The following LITAF variants were observed in gnomAD, a reference collection of about 807,000 sequenced individuals.
LITAF encodes the protein lipopolysaccharide-induced tumor necrosis factor-alpha factor.
A neutral mutation model predicts 14.5 loss-of-function variants in LITAF; 9 were observed. That is an observed-to-expected ratio of 0.62 (90% CI 0.37 to 1.08). LITAF has a LOEUF of 1.08. LITAF is among the 50% of genes least tolerant of loss of function. The probability of loss-of-function intolerance (pLI) is 0.01; values close to 1 mark genes in which losing one functional copy is unlikely to be tolerated. For missense variants in LITAF, 206 were observed against 213.4 expected, an observed-to-expected ratio of 0.97 and a Z score of 0.22; for synonymous variants, 98 against 88.2, an observed-to-expected ratio of 1.11 and a Z score of -0.62.
Position 11,634,445 on chromosome 16 carries a change from G to A in LITAF, c.-20-808C>T, listed in dbSNP as rs1190065577. Among the ~76,000 whole-genome samples, 1 of 152,180 alleles carries A rather than the reference G, an allele frequency of 6.6e-6. No individual in the cohort carries two copies. Among genetic ancestry groups the A allele is most frequent in the African/African-American group, 2.4e-5 (1 of 41,436 alleles). ...TGAGAGAAAGCTAAATTCTGCTAAG[G>A]TGTAGACATACATGATTACCAGCCA... is the stretch of plus-strand genomic sequence containing the variant. On this transcript the variant is annotated intron_variant, in intron 2 of 3. Coordinates refer to the LITAF transcript ENST00000574848. This position sits in a 1 kb window ranked among gnomAD's most constrained non-coding sequence, Gnocchi z 4.1.
Position 11,608,070 on chromosome 16 carries a change from G to A in LITAF, c.85+25463C>T, listed in dbSNP as rs373998885. Among the ~76,000 whole-genome samples, 10 of 152,300 alleles carry A rather than the reference G, an allele frequency of 6.6e-5. No homozygotes were observed. The South Asian group carries it at 2.1e-3, about 32-fold the overall frequency. The stretch of plus-strand genomic sequence containing the variant: ...TGGCTGAAGAAATAAACTAATGCCT[G>A]CCCCAGTACATCATCCCTTTCCAGG... On this transcript the variant is annotated intron_variant, in intron 3 of 3. Transcript: ENST00000574848.
chr16:11,622,183 C>T (rs903279361), intron 3 of LITAF, among the ~76,000 whole-genome samples: 4 of 152,166 alleles, frequency 2.6e-5, no homozygotes, highest in Non-Finnish European at 4.4e-5. Context: ...GAGGAGGTGC[C>T]ACCATAAGCC....
At chr16:11,583,877 G>C (rs1385603428) in intron 1 of LITAF, among the ~76,000 whole-genome samples, 1 of 152,158 alleles carries the variant, frequency 6.6e-6, no homozygotes, top group African/African-American at 2.4e-5. Flanking sequence ...CTCCAGAATG[G>C]TTCCTTTCTT....
At position 11,548,959 on chromosome 16, in the gene LITAF, A is replaced by G. The variant is rs780316108; in HGVS notation, c.*678T>C. The G allele has an allele frequency of 4.4e-6, 2 of 454,130 alleles. No homozygotes were observed. Among genetic ancestry groups the G allele is most frequent in the South Asian group, 3.1e-5 (2 of 64,476 alleles). 28.1% of individuals were successfully genotyped at this position (454,130 alleles called of 1,614,324 possible). ...CTGGCACAGAGAAACAAGGGGAGAC[A>G]GGGCAGTGATAAGATCCAGCCCTAT... On this transcript the variant is annotated 3_prime_UTR_variant, in exon 4 of 4. Transcript: ENST00000622633.
Position 11,553,660 on chromosome 16 carries a change from G to A in LITAF, c.250C>T (p.Pro84Ser). Residue 84 changes from proline (P) to serine (S), a missense_variant, in exon 3 of 4, where the codon CCC becomes TCC. Coordinates refer to ENST00000622633, the MANE Select transcript of LITAF (RefSeq NM_001136472.2). This position sits in a 1 kb window ranked among gnomAD's most constrained non-coding sequence, Gnocchi z 7.7. The part of the protein sequence containing the change: ...ITVQTVYVQH[P>S]ITFLDRPIQM... ...ATAGGGCGGTCCAAAAAGGTGATGG[G>A]GTGCTGCACGTAGACCGTCTGCACG... The A allele has an allele frequency of 6.2e-7, 1 of 1,614,120 alleles. No individual in the cohort carries two copies. The highest frequency in any genetic ancestry group is 1.1e-5 in the South Asian group (1 of 91,064).
Position 11,568,673 on chromosome 16 carries a change from G to GTTTTTTTTTT in LITAF, c.-5-11939_-5-11938insAAAAAAAAAA, listed in dbSNP as rs374757371. On this transcript the variant is annotated intron_variant, in intron 1 of 3. Coordinates refer to ENST00000622633, the MANE Select transcript of LITAF (RefSeq NM_001136472.2). ...CTTGTGACACTGAAGGTACACCCTT[G>GTTTTTTTTTT]TTTTTTTTTGTTTTTTTTTTTTTTG... Among the ~76,000 whole-genome samples, 4 of 116,370 alleles carry GTTTTTTTTTT rather than the reference G, an allele frequency of 3.4e-5. 1 individual carries two copies. The highest frequency in any genetic ancestry group is 3.5e-5 in the Non-Finnish European group (2 of 56,970). The allele number at this position is 116,370 out of a possible 152,430, so 76.3% of individuals were successfully genotyped here.
At chr16:11,557,587 C>G (rs1022000158) in intron 1 of LITAF, among the ~76,000 whole-genome samples, 1 of 152,064 alleles carries the variant, frequency 6.6e-6, no homozygotes, top group Non-Finnish European at 1.5e-5. Flanking sequence ...GTAGCTGGGA[C>G]TACAGGCATG....
intron 1 of LITAF, among the ~76,000 whole-genome samples, chr16:11,585,585 A>G (rs2064793987): frequency 6.6e-6 from 1 of 152,160 alleles, no homozygotes; most frequent in African/African-American, 2.4e-5. Flanking sequence ...ACCAGCCTGC[A>G]CTTCTCTCTG....
intron 1 of LITAF, among the ~76,000 whole-genome samples, chr16:11,572,691 C>T (rs1268441369): frequency 6.6e-6 from 1 of 152,184 alleles, no homozygotes; most frequent in Non-Finnish European, 1.5e-5. Context: ...AAGAAACTGT[C>T]AGAGACCAGA....
At chr16:11,620,698 C>T (rs893054037) in intron 3 of LITAF, among the ~76,000 whole-genome samples, 3 of 152,194 alleles carry the variant, frequency 2.0e-5, no homozygotes, top group African/African-American at 7.2e-5. Flanking sequence ...AAAGAATCAG[C>T]AGCACAAGTA....
At chr16:11,568,688 T>A (rs1214907059) in intron 1 of LITAF, among the ~76,000 whole-genome samples, 2 of 150,124 alleles carry the variant, frequency 1.3e-5, no homozygotes, top group African/African-American at 4.9e-5. Context: ...TTTTTGTTTT[T>A]TTTTTTTTTG....
At chr16:11,594,166 AC>A (rs2064866958) in intron 1 of LITAF, among the ~76,000 whole-genome samples, 1 of 148,748 alleles carries the variant, frequency 6.7e-6, no homozygotes, top group South Asian at 2.1e-4. Flanking sequence ...AGCCTGGGTG[AC>A]AAAGTGAGAC....
At chr16:11,552,370 G>C (rs78920217) in intron 3 of LITAF, among the ~76,000 whole-genome samples, 2 of 147,780 alleles carry the variant, frequency 1.4e-5, no homozygotes, top group African/African-American at 4.9e-5. Flanking sequence ...CTTTGGTGCA[G>C]ACATAAAATT....
At chr16:11,601,361 C>G (rs1356400389), upstream of LITAF, among the ~76,000 whole-genome samples, 1 of 152,062 alleles carries the variant, frequency 6.6e-6, no homozygotes, top group Non-Finnish European at 1.5e-5. Context: ...CAATTAGACC[C>G]TGAAATGTAG....
rs1037076187 is a variant in LITAF, at chr16:11,553,019, G to A, written c.377+514C>T. ...AATCCCAGCTACTCAGGAGGCTGAG[G>A]CAGGAGAATAGCTTGAACCTGGGAG... On this transcript the variant is annotated intron_variant, in intron 3 of 3. Transcript: ENST00000622633. The surrounding 1 kb of genome is among the most constrained non-coding windows in gnomAD (Gnocchi z 7.7). 2.0e-5 allele frequency among the ~76,000 whole-genome samples: 3 copies of A among 152,132 alleles called. No homozygotes were observed. The highest frequency in any genetic ancestry group is 4.4e-5 in the Non-Finnish European group (3 of 68,028).
intron 3 of LITAF, among the ~76,000 whole-genome samples, chr16:11,610,542 G>T (rs1567262837): frequency 6.6e-6 from 1 of 152,178 alleles, no homozygotes; most frequent in Non-Finnish European, 1.5e-5. Flanking sequence ...TGGCAGCTCA[G>T]TTGTCTTCAG....
At chr16:11,598,062 C>T (rs1350045290) in intron 1 of LITAF, among the ~76,000 whole-genome samples, 5 of 152,258 alleles carry the variant, frequency 3.3e-5, no homozygotes, top group South Asian at 4.1e-4. Flanking sequence ...TGCGCCACCA[C>T]GCCCGGGTAA....
intron 1 of LITAF, among the ~76,000 whole-genome samples, chr16:11,573,344 G>C (rs897423654): frequency 1.3e-5 from 2 of 152,092 alleles, no homozygotes; most frequent in African/African-American, 2.4e-5. Flanking sequence ...AGCTAGCCTG[G>C]GTATCGATAA....
At chr16:11,636,414 G>C (rs926896950), upstream of LITAF, 2 of 152,268 alleles carry the variant, frequency 1.3e-5, no homozygotes, top group African/African-American at 4.8e-5. Flanking sequence ...TTACAGATGA[G>C]CTTGAGAAGG....
Sources: gnomAD v4.1 joint callset for allele counts (sites outside exome capture counted in the v4.1 genomes callset) on GRCh38, gnomAD v4.1.1 for gene constraint, Gnocchi (gnomAD v3.1) non-coding constraint, MANE v1.5 for transcripts, NCBI Gene and HGNC (gene_info 2026-07-23, HGNC 2026-07-21) for gene names.